The following NFATC1 variants were observed in gnomAD, a reference collection of about 807,000 sequenced individuals.
The protein encoded by NFATC1 is nuclear factor of activated T-cells, cytoplasmic 1.
NFATC1 carries 22 observed loss-of-function variants against 76.0 expected under a neutral mutation model. That is an observed-to-expected ratio of 0.29 (90% CI 0.21 to 0.41). NFATC1 has a LOEUF of 0.41. Among genes scored for constraint, NFATC1 ranks in the 10% least tolerant of loss-of-function variants. NFATC1 has a pLI of 1.00. For synonymous variants in NFATC1, 704 were observed against 613.1 expected (o/e 1.15, Z -2.19); for missense variants, 1,357 against 1,337.7 (o/e 1.01, Z -0.23).
At chr18:79,419,849 C>T (rs1207939622) in intron 2 of NFATC1, among the ~76,000 whole-genome samples, 4 of 152,316 alleles carry the variant, frequency 2.6e-5, no homozygotes, top group Non-Finnish European at 2.9e-5. Context: ...AAACCTGAGT[C>T]GGGAGTTGGA....
intron 2 of NFATC1, among the ~76,000 whole-genome samples, chr18:79,420,387 C>T (rs1409797842): frequency 3.3e-5 from 4 of 120,262 alleles, no homozygotes; most frequent in Non-Finnish European, 3.4e-5. Flanking sequence ...GAAGGAGGGT[C>T]GCGTTTCCAG....
rs187952187 is a variant in NFATC1 at position 79,473,426 on chromosome 18, T to C, written c.2092+5844T>C. Among the ~76,000 whole-genome samples the C allele has an allele frequency of 2.8e-3, 421 of 152,090 alleles. 2 individuals are homozygous for C. Among genetic ancestry groups the C allele is most frequent in the African/African-American group, 9.7e-3 (401 of 41,484 alleles). ...GTGTTCTCATGCTCACTGTCAACAT[T>C]GTAAACCTGAGGGAAGCGTGTTCTC... On this transcript the variant is annotated intron_variant, in intron 8 of 9. Transcript: ENST00000427363.
At chr18:79,450,810 T>G in intron 4 of NFATC1, 144 bp from the exon 5 acceptor site, 1 of 1,075,892 alleles carries the variant, frequency 9.3e-7, no homozygotes, top group Non-Finnish European at 1.4e-6. Flanking sequence ...CAAGGTCTTG[T>G]TTTCCTTGGG....
rs577297148 is a variant in NFATC1, at chr18:79,447,333, A to C, written c.1387-1449A>C. On this transcript the variant is annotated intron_variant, in intron 3 of 9. Coordinates refer to ENST00000427363, the MANE Select transcript of NFATC1 (RefSeq NM_001278669.2). Reference sequence around the variant, plus strand: ...CGCTGGCCCTGAGTGGGCAGCAGGCATCTGCGTGGTCAGGGGCAGGCGTCG... The same window carrying C: ...CGCTGGCCCTGAGTGGGCAGCAGGCCTCTGCGTGGTCAGGGGCAGGCGTCG... 2.2e-3 allele frequency among the ~76,000 whole-genome samples: 336 copies of C among 152,370 alleles called. 5 individuals carry two copies. Among genetic ancestry groups the C allele is most frequent in the African/African-American group, 7.4e-3 (307 of 41,594 alleles).
chr18:79,426,236 CTTTT>C, intron 2 of NFATC1, among the ~76,000 whole-genome samples: 1 of 146,580 alleles, frequency 6.8e-6, no homozygotes, highest in East Asian at 2.0e-4. Flanking sequence ...CAGGATATGT[CTTTT>C]TTTTTTTTTC....
At chr18:79,458,377 C>A (rs1419051880) in intron 6 of NFATC1, among the ~76,000 whole-genome samples, 2 of 152,162 alleles carry the variant, frequency 1.3e-5, no homozygotes, top group Non-Finnish European at 2.9e-5. Context: ...CTCGAGGGCA[C>A]CGTGGGACCC....
At chr18:79,499,246 CAT>C (rs2089963045) in intron 9 of NFATC1, among the ~76,000 whole-genome samples, 1 of 152,204 alleles carries the variant, frequency 6.6e-6, no homozygotes, top group Non-Finnish European at 1.5e-5. Flanking sequence ...AAAGTCTTTA[CAT>C]ATTATTAGAA....
rs755147641 is a variant in NFATC1, at chr18:79,467,481, G to A, written c.1991G>A (p.Arg664Gln). The change falls in exon 8 of 10, where the codon CGG becomes CAG. Residue 664 changes from arginine to glutamine, a missense_variant. Arg to Gln is a conservative substitution (Grantham distance 43, BLOSUM62 1). Coordinates refer to ENST00000427363, the MANE Select transcript of NFATC1 (RefSeq NM_001278669.2). ...NSLVVEIPPFRNQRITSPVHV... is the reference protein window; with the variant it reads ...NSLVVEIPPFQNQRITSPVHV... ...CTGGTGGTTGAGATCCCGCCATTTC[G>A]GAATCAGAGGATAACCAGCCCCGTT... 2.2e-5 allele frequency: 36 copies of A among 1,609,294 alleles called. No individual in the cohort carries two copies. The highest frequency in any genetic ancestry group is 3.0e-5 in the Non-Finnish European group (35 of 1,176,554).
chr18:79,526,334 C>G (rs1446548593), intron 9 of NFATC1, among the ~76,000 whole-genome samples: 1 of 152,274 alleles, frequency 6.6e-6, no homozygotes. Flanking sequence ...GAGCCTGGCT[C>G]TGCGTCCTGT....
intron 2 of NFATC1, among the ~76,000 whole-genome samples, chr18:79,416,969 C>T (rs1283490260): frequency 1.3e-5 from 2 of 152,152 alleles, no homozygotes; most frequent in African/African-American, 4.8e-5. Context: ...TCTGAAGGGT[C>T]TTGAAGAACG....
chr18:79,449,295 G>C (rs1462647260), intron 4 of NFATC1, among the ~76,000 whole-genome samples: 1 of 152,194 alleles, frequency 6.6e-6, no homozygotes, highest in African/African-American at 2.4e-5. Context: ...TGAGAGGATG[G>C]TTAAAACGTG....
At chr18:79,507,659 C>T (rs2090146735) in intron 9 of NFATC1, among the ~76,000 whole-genome samples, 2 of 152,234 alleles carry the variant, frequency 1.3e-5, no homozygotes, top group South Asian at 2.1e-4. Context: ...TCCTGACGCA[C>T]GTCCCCCGGA....
Position 79,396,006 on chromosome 18 carries a change from A to C in NFATC1, c.-219A>C. On this transcript the variant is annotated 5_prime_UTR_variant, in exon 1 of 10. Coordinates refer to ENST00000427363, the MANE Select transcript of NFATC1 (RefSeq NM_001278669.2). ...CAGATCCCAGCAGCAGGGCGCGGGCACCGGGGCGCGGGCAGGGCTCGGAGC... is the reference window on the plus strand; with the variant it reads ...CAGATCCCAGCAGCAGGGCGCGGGCCCCGGGGCGCGGGCAGGGCTCGGAGC... 1 of 302,580 alleles carries C rather than the reference A, an allele frequency of 3.3e-6. No individual in the cohort carries two copies. Among genetic ancestry groups the C allele is most frequent in the Non-Finnish European group, 5.4e-6 (1 of 186,610 alleles). 18.7% of individuals were successfully genotyped at this position (302,580 alleles called of 1,614,324 possible). A position where few individuals can be genotyped will look rare whatever the true frequency, so the allele number is the denominator to read the frequency against.
At chr18:79,471,555 C>G (rs1251935801) in intron 8 of NFATC1, among the ~76,000 whole-genome samples, 1 of 152,194 alleles carries the variant, frequency 6.6e-6, no homozygotes. Flanking sequence ...GAGCTGGGGA[C>G]ACGGAGCTCT....
chr18:79,461,273 A>T, intron 6 of NFATC1, 38 bp from the exon 7 acceptor site: 1 of 1,613,010 alleles, frequency 6.2e-7, no homozygotes, highest in Non-Finnish European at 8.5e-7. Context: ...GCTCCCCACC[A>T]CACAGAGTCA....
At chr18:79,419,491 G>A (rs1412246234) in intron 2 of NFATC1, among the ~76,000 whole-genome samples, 5 of 143,638 alleles carry the variant, frequency 3.5e-5, no homozygotes, top group Admixed American at 6.8e-5. Flanking sequence ...CCCCCTAGGA[G>A]GGCCGGCACC....
intron 1 of NFATC1, chr18:79,400,503 G>A (rs1190936454): frequency 3.6e-6 from 5 of 1,402,796 alleles, no homozygotes; most frequent in Non-Finnish European, 4.6e-6. Context: ...GGAGGGCGCG[G>A]GGGGCGCGGG....
At chr18:79,503,359 C>G (rs1414155529) in intron 9 of NFATC1, among the ~76,000 whole-genome samples, 1 of 152,192 alleles carries the variant, frequency 6.6e-6, no homozygotes, top group Non-Finnish European at 1.5e-5. Flanking sequence ...TCACACTGTA[C>G]TGAGTCTGTT....
intron 2 of NFATC1, among the ~76,000 whole-genome samples, chr18:79,432,151 C>T (rs2086613011): frequency 6.6e-6 from 1 of 152,260 alleles, no homozygotes; most frequent in African/African-American, 2.4e-5. Context: ...GAAGCTGCCC[C>T]GCATGTCCCA....
Sources: gnomAD v4.1 joint callset for allele counts (sites outside exome capture counted in the v4.1 genomes callset) on GRCh38, gnomAD v4.1.1 for gene constraint, MANE v1.5 for transcripts, NCBI Gene and HGNC (gene_info 2026-07-23, HGNC 2026-07-21) for gene names.